Variants in METTL23 observed in about 807,000 individuals in gnomAD.
METTL23 encodes histone-arginine methyltransferase METTL23.
METTL23 carries 24 observed loss-of-function variants against 21.2 expected under a neutral mutation model. The observed-to-expected ratio is 1.13, with a 90% CI of 0.82 to 1.59. The LOEUF (loss-of-function observed/expected upper bound fraction) is 1.59. METTL23 is among the 40% of genes most tolerant of loss of function. The probability of loss-of-function intolerance (pLI) is 0.00; values close to 1 mark genes in which losing one functional copy is unlikely to be tolerated. For synonymous variants in METTL23, 97 were observed against 75.2 expected (o/e 1.29, Z -1.50); for missense variants, 276 against 221.4 (o/e 1.25, Z -1.57).
At chr17:76,730,522 G>A (rs1460185591) in intron 2 of METTL23, among the ~76,000 whole-genome samples, 4 of 152,188 alleles carry the variant, frequency 2.6e-5, no homozygotes, top group Admixed American at 6.5e-5. Flanking sequence ...TTTGCTGACC[G>A]CTATTCTAGA....
intron 1 of METTL23, among the ~76,000 whole-genome samples, chr17:76,729,456 C>T (rs568758260): frequency 6.6e-6 from 1 of 152,240 alleles, no homozygotes; most frequent in Admixed American, 6.5e-5. Context: ...AGCTATATCC[C>T]CAGTCTGAGA....
At chr17:76,726,369 G>C (rs773914300), upstream of METTL23, 2 of 1,596,644 alleles carry the variant, frequency 1.3e-6, no homozygotes, top group Admixed American at 1.7e-5. Flanking sequence ...CGGGCTCAGC[G>C]AGAAGCTCTC....
intron 1 of METTL23, among the ~76,000 whole-genome samples, chr17:76,728,157 GC>G (rs1376114343): frequency 1.3e-5 from 2 of 151,626 alleles, no homozygotes; most frequent in African/African-American, 4.9e-5. Context: ...GATTGCTTGA[GC>G]CCGAGAGGTC....
In METTL23 at chr17:76,728,420, T is replaced by TTTTTGTTTGTTTGTTTGTTTGTTTG. The variant is rs1568008580; in HGVS notation, c.-22+1246_-22+1247insGTTTGTTTGTTTGTTTGTTTGTTTT. Among the ~76,000 whole-genome samples the TTTTTGTTTGTTTGTTTGTTTGTTTG allele has an allele frequency of 1.2e-4, 15 of 127,782 alleles. 2 individuals carry two copies. Among genetic ancestry groups the TTTTTGTTTGTTTGTTTGTTTGTTTG allele is most frequent in the African/African-American group, 5.2e-4 (15 of 28,604 alleles). 83.8% of individuals were successfully genotyped at this position (127,782 alleles called of 152,430 possible). A position where few individuals can be genotyped will look rare whatever the true frequency, so the allele number is the denominator to read the frequency against. ...CCAATCTGGCTTCACGGATTTTTTT[T>TTTTTGTTTGTTTGTTTGTTTGTTTG]TTTTTTTTTGGAGATGGAGTCTCGC... is the stretch of plus-strand genomic sequence containing the variant. On this transcript the variant is annotated intron_variant, in intron 1 of 4. Transcript: ENST00000341249.
chr17:76,730,744 G>A (rs968425838), intron 2 of METTL23, among the ~76,000 whole-genome samples: 1 of 152,192 alleles, frequency 6.6e-6, no homozygotes, highest in South Asian at 2.1e-4. Context: ...AAGGCGGGCG[G>A]ATTGCCTGAG....
At chr17:76,728,585 AT>A (rs914509509) in intron 1 of METTL23, among the ~76,000 whole-genome samples, 29 of 150,592 alleles carry the variant, frequency 1.9e-4, no homozygotes, top group Non-Finnish European at 2.1e-4. Context: ...TAATTTTTGT[AT>A]TTTTAGTAGA....
In METTL23 at chr17:76,732,964, T is replaced by C. The variant is rs2077291608; in HGVS notation, c.85-14T>C. On this transcript the variant is annotated splice_polypyrimidine_tract_variant and intron_variant, in intron 2 of 4. Transcript: ENST00000341249. ...AAGTATAATTGTGAAATGCCATCTT[T>C]CATAACTTATTAGATTGGAGCTGGA... 5 of 1,552,216 alleles carry C rather than the reference T, an allele frequency of 3.2e-6. No individual in the cohort carries two copies. In the South Asian group the frequency reaches 5.9e-5, roughly 18 times the overall value.
intron 1 of METTL23, 24 bp from the exon 2 acceptor site, chr17:76,729,665 TG>T: frequency 1.4e-6 from 2 of 1,447,734 alleles, no homozygotes; most frequent in East Asian, 4.9e-5. Context: ...AAATTATTTA[TG>T]GCACACAAAA....
upstream of METTL23, chr17:76,726,388 T>C (rs533938071): frequency 1.9e-6 from 3 of 1,604,042 alleles, no homozygotes; most frequent in South Asian, 2.2e-5. Flanking sequence ...TCGTAGTAGT[T>C]GTGCCGGGTC....
chr17:76,732,688 C>T (rs1472854592), intron 2 of METTL23: 4 of 426,862 alleles, frequency 9.4e-6, no homozygotes, highest in South Asian at 5.4e-5. Context: ...GAATCAAGTG[C>T]CCCAAAACTA....
Position 76,727,740 on chromosome 17 carries a change from C to CT in METTL23, c.-22+570dup, listed in dbSNP as rs577689816. The stretch of plus-strand genomic sequence containing the variant: ...TCTCAATAATAATTCTTTTTCTTTT[C>CT]TTTTTTTTGAGACACTGTCTCGCTC... On this transcript the variant is annotated intron_variant, in intron 1 of 4. Coordinates refer to ENST00000341249, the MANE Select transcript of METTL23 (RefSeq NM_001080510.5). Among the ~76,000 whole-genome samples the CT allele has an allele frequency of 5.1e-4, 78 of 152,168 alleles. No individual in the cohort carries two copies. In the East Asian group the frequency reaches 0.011, roughly 21 times the overall value.
rs1476667482 is a variant in METTL23, at chr17:76,733,285, C to T, written c.323-8C>T. Reference sequence around the variant, plus strand: ...ATGAAAATCTATTCATAAATCCTTTCTCCTCAGATTTTGAAGACATTTTGG... The same window carrying T: ...ATGAAAATCTATTCATAAATCCTTTTTCCTCAGATTTTGAAGACATTTTGG... On this transcript the variant is annotated splice_polypyrimidine_tract_variant and splice_region_variant and intron_variant, in intron 3 of 4. Coordinates refer to ENST00000341249, the MANE Select transcript of METTL23 (RefSeq NM_001080510.5). The T allele has an allele frequency of 2.5e-6, 4 of 1,613,616 alleles. No homozygotes were observed. In the Admixed American group the frequency reaches 5.0e-5, roughly 20 times the overall value.
rs1026137010 is a variant in METTL23 at position 76,726,935 on chromosome 17, T to C, written c.-265T>C. ...CTTCGCTCGCAGCGCGGCAGGGTTA[T>C]CACCAGATCTGGGCTTTCCCCTTCT... On this transcript the variant is annotated 5_prime_UTR_variant, in exon 1 of 5. Coordinates refer to ENST00000341249, the MANE Select transcript of METTL23 (RefSeq NM_001080510.5). 3 of 456,876 alleles carry C rather than the reference T, an allele frequency of 6.6e-6. No homozygotes were observed. In the Admixed American group the frequency reaches 7.0e-5, roughly 11 times the overall value. 28.3% of individuals were successfully genotyped at this position (456,876 alleles called of 1,614,324 possible). A position where few individuals can be genotyped will look rare whatever the true frequency, so the allele number is the denominator to read the frequency against.
At chr17:76,732,411 T>C (rs573377648) in intron 2 of METTL23, among the ~76,000 whole-genome samples, 2 of 151,974 alleles carry the variant, frequency 1.3e-5, no homozygotes, top group Admixed American at 6.6e-5. Context: ...TGAGGCAGAA[T>C]TGCTTGAACC....
chr17:76,733,543 T>C lies in METTL23; in HGVS notation c.430T>C (p.Leu144=). The C allele has an allele frequency of 1.2e-6, 2 of 1,612,816 alleles. No individual in the cohort carries two copies. Among genetic ancestry groups the C allele is most frequent in the Non-Finnish European group, 1.7e-6 (2 of 1,179,552 alleles). Reference sequence around the variant, plus strand: ...AAGTGCTGACTGGTCACTTGAAGCTTTACTCTACAAATGGGATATGAAATG... The same window carrying C: ...AAGTGCTGACTGGTCACTTGAAGCTCTACTCTACAAATGGGATATGAAATG... ...VRSADWSLEA[L]LYKWDMKCVH... The change falls in exon 5 of 5, where the codon TTA becomes CTA. Residue 144 remains leucine, a synonymous_variant. Coordinates refer to ENST00000341249, the MANE Select transcript of METTL23 (RefSeq NM_001080510.5).
chr17:76,732,889 T>C (rs749118452), intron 2 of METTL23, 89 bp from the exon 3 acceptor site: 11 of 1,094,038 alleles, frequency 1.0e-5, no homozygotes, highest in Admixed American at 6.3e-5. Flanking sequence ...TATTTAAAAA[T>C]GCAAGAATAT....
chr17:76,726,976 C>A lies in METTL23; in HGVS notation c.-224C>A, dbSNP rs1238546580. 2 of 456,612 alleles carry A rather than the reference C, an allele frequency of 4.4e-6. No homozygotes were observed. The highest frequency in any genetic ancestry group is 4.4e-6 in the Non-Finnish European group (1 of 226,888). The allele number at this position is 456,612 out of a possible 1,614,324, so 28.3% of individuals were successfully genotyped here. A position where few individuals can be genotyped will look rare whatever the true frequency, so the allele number is the denominator to read the frequency against. On this transcript the variant is annotated 5_prime_UTR_variant, in exon 1 of 5. Coordinates refer to ENST00000341249, the MANE Select transcript of METTL23 (RefSeq NM_001080510.5). Reference sequence around the variant, plus strand: ...TTCCCCTTCTTGCCGTCAGGTGCTACGGCCACGTGGCCCGCGGCTTCCCGC... The same window carrying A: ...TTCCCCTTCTTGCCGTCAGGTGCTAAGGCCACGTGGCCCGCGGCTTCCCGC...
chr17:76,727,336 T>G, intron 1 of METTL23, 158 bp downstream of exon 1: 1 of 337,256 alleles, frequency 3.0e-6, no homozygotes, highest in Non-Finnish European at 5.9e-6. Flanking sequence ...ATGAAGCCCT[T>G]CGGTGCATTA....
Position 76,733,311 on chromosome 17 carries a change from CTACAA to C in METTL23, c.344_348del (p.Thr115IlefsTer19). ...TCCTCAGATTTTGAAGACATTTTGG[CTACAA>C]TATATTTTTTGATGCACAAGAATCC... On this transcript the variant is annotated frameshift_variant, in exon 4 of 5. Coordinates refer to ENST00000341249, the MANE Select transcript of METTL23 (RefSeq NM_001080510.5). LOFTEE classifies it high-confidence loss of function. 1.9e-6 allele frequency: 3 copies of C among 1,613,902 alleles called. No individual in the cohort carries two copies. Among genetic ancestry groups the C allele is most frequent in the Non-Finnish European group, 2.5e-6 (3 of 1,179,858 alleles).
Sources: gnomAD v4.1 joint callset for allele counts (sites outside exome capture counted in the v4.1 genomes callset) on GRCh38, gnomAD v4.1.1 for gene constraint, MANE v1.5 for transcripts, NCBI Gene and HGNC (gene_info 2026-07-23, HGNC 2026-07-21) for gene names.